Variants in TCF7L1 observed in about 807,000 individuals in gnomAD.
The protein encoded by TCF7L1 is transcription factor 7 like 1.
In TCF7L1, 18 loss-of-function variants were observed where a neutral mutation model predicts 63.7. The observed-to-expected ratio is 0.28, with a 90% CI of 0.20 to 0.42. TCF7L1 has a LOEUF of 0.42. Ranked by LOEUF, TCF7L1 falls within the 10% of genes least tolerant of loss-of-function variation. The pLI is 1.00. For synonymous variants in TCF7L1, 355 were observed against 340.9 expected (o/e 1.04, Z -0.46); for missense variants, 654 against 779.3 (o/e 0.84, Z 1.91).
intron 3 of TCF7L1, among the ~76,000 whole-genome samples, chr2:85,150,857 T>G (rs900515549): frequency 1.3e-5 from 2 of 152,212 alleles, no homozygotes; most frequent in Non-Finnish European, 2.9e-5. Context: ...CTTTACCCAA[T>G]GGTTTTAGTG....
Position 85,309,471 on chromosome 2 carries a change from C to T in TCF7L1, c.*9C>T, listed in dbSNP as rs764580680. The stretch of plus-strand genomic sequence containing the variant: ...CCAAGTCTGCCCACTAAGCTCCCCC[C>T]GACCCCTGCAGGCTGTCACATGACT... On this transcript the variant is annotated 3_prime_UTR_variant, in exon 12 of 12. Coordinates refer to ENST00000282111, the MANE Select transcript of TCF7L1 (RefSeq NM_031283.3). 2.2e-5 allele frequency: 34 copies of T among 1,518,200 alleles called. No individual in the cohort carries two copies. In the South Asian group the frequency reaches 3.2e-4, roughly 14 times the overall value. 94.0% of individuals were successfully genotyped at this position (1,518,200 alleles called of 1,614,324 possible).
At chr2:85,229,720 G>A (rs553867086) in intron 3 of TCF7L1, among the ~76,000 whole-genome samples, 1 of 152,038 alleles carries the variant, frequency 6.6e-6, no homozygotes, top group Non-Finnish European at 1.5e-5. Flanking sequence ...TTAAAATGTT[G>A]GTCCAGTTTG....
chr2:85,172,583 C>T (rs550964463), intron 3 of TCF7L1, among the ~76,000 whole-genome samples: 21 of 152,288 alleles, frequency 1.4e-4, no homozygotes, highest in Admixed American at 7.8e-4. Flanking sequence ...GGTGCCACCA[C>T]GCCTGGCTAG....
chr2:85,250,247 G>A (rs1680558138), intron 3 of TCF7L1, among the ~76,000 whole-genome samples: 1 of 152,162 alleles, frequency 6.6e-6, no homozygotes, highest in Non-Finnish European at 1.5e-5. Flanking sequence ...CACTGAGTTT[G>A]AAGGAGATGC....
chr2:85,309,581 G>A lies in TCF7L1; in HGVS notation c.*119G>A. ...ACCACTCTGGACTGTTCTGTAAAGT[G>A]GCTGGTAACAACAGCACTTTACAGT... On this transcript the variant is annotated 3_prime_UTR_variant, in exon 12 of 12. Coordinates refer to ENST00000282111, the MANE Select transcript of TCF7L1 (RefSeq NM_031283.3). 1 of 1,060,612 alleles carries A rather than the reference G, an allele frequency of 9.4e-7. No homozygotes were observed. The highest frequency in any genetic ancestry group is 3.4e-5 in the Admixed American group (1 of 29,376). 65.7% of individuals were successfully genotyped at this position (1,060,612 alleles called of 1,614,324 possible).
At chr2:85,175,099 C>G (rs1678646774) in intron 3 of TCF7L1, among the ~76,000 whole-genome samples, 1 of 152,206 alleles carries the variant, frequency 6.6e-6, no homozygotes, top group African/African-American at 2.4e-5. Context: ...GCGCAGCTCA[C>G]AGTGGGCTCT....
intron 3 of TCF7L1, among the ~76,000 whole-genome samples, chr2:85,223,427 T>C (rs1216630574): frequency 6.6e-6 from 1 of 151,746 alleles, no homozygotes; most frequent in Non-Finnish European, 1.5e-5. Flanking sequence ...GAAGTTAGAG[T>C]GTTTGGTGGA....
chr2:85,289,880 G>T (rs1466837506), intron 4 of TCF7L1, among the ~76,000 whole-genome samples: 1 of 151,834 alleles, frequency 6.6e-6, no homozygotes, highest in East Asian at 1.9e-4. Flanking sequence ...CATCATGTTG[G>T]CTAGGCTGGT....
intron 3 of TCF7L1, among the ~76,000 whole-genome samples, chr2:85,247,087 C>T (rs1680484489): frequency 6.6e-6 from 1 of 152,194 alleles, no homozygotes. Context: ...AAGAAGCCCC[C>T]TCTGTCTTTT....
intron 3 of TCF7L1, among the ~76,000 whole-genome samples, chr2:85,265,766 GTT>G (rs75640097): frequency 7.0e-6 from 1 of 143,746 alleles, no homozygotes; most frequent in African/African-American, 2.5e-5. Context: ...ACTTTACTGG[GTT>G]TTTTTTTTTT....
intron 4 of TCF7L1, among the ~76,000 whole-genome samples, chr2:85,285,620 G>T (rs1354418046): frequency 6.6e-6 from 1 of 152,222 alleles, no homozygotes; most frequent in Non-Finnish European, 1.5e-5. Flanking sequence ...TCCCACTTGG[G>T]ATAGCCAAGC....
At chr2:85,281,864 T>C (rs1017486604) in intron 3 of TCF7L1, among the ~76,000 whole-genome samples, 1 of 152,208 alleles carries the variant, frequency 6.6e-6, no homozygotes, top group Non-Finnish European at 1.5e-5. Flanking sequence ...TTATGGTGAA[T>C]GAAGAGCAAA....
chr2:85,266,884 G>A (rs946790105), intron 3 of TCF7L1, among the ~76,000 whole-genome samples: 4 of 152,192 alleles, frequency 2.6e-5, no homozygotes, highest in African/African-American at 9.7e-5. Flanking sequence ...CTGGCGGCCA[G>A]GACACCTGGG....
chr2:85,219,652 G>A (rs532266935), intron 3 of TCF7L1, among the ~76,000 whole-genome samples: 2 of 152,318 alleles, frequency 1.3e-5, no homozygotes, highest in East Asian at 3.8e-4. Context: ...GGCCGAGGCA[G>A]TGGGATCACT....
At chr2:85,179,770 A>G (rs982518575) in intron 3 of TCF7L1, among the ~76,000 whole-genome samples, 9 of 152,162 alleles carry the variant, frequency 5.9e-5, no homozygotes, top group African/African-American at 2.2e-4. Flanking sequence ...CTTTTAGCAC[A>G]AGGAATTTGA....
At chr2:85,153,908 C>T (rs1678080069) in intron 3 of TCF7L1, among the ~76,000 whole-genome samples, 2 of 152,166 alleles carry the variant, frequency 1.3e-5, no homozygotes, top group South Asian at 4.1e-4. Context: ...AGCTGTCTTC[C>T]TCTTAGACAT....
intron 4 of TCF7L1, among the ~76,000 whole-genome samples, chr2:85,299,340 A>G (rs1681907104): frequency 6.6e-6 from 1 of 151,892 alleles, no homozygotes; most frequent in African/African-American, 2.4e-5. Context: ...GCCTGATGTC[A>G]GGAGTTCAAA....
At chr2:85,240,590 GGC>G (rs1680298758) in intron 3 of TCF7L1, among the ~76,000 whole-genome samples, 1 of 150,760 alleles carries the variant, frequency 6.6e-6, no homozygotes, top group Admixed American at 6.6e-5. Flanking sequence ...TGGCCAACAT[GGC>G]CAAACCCCAT....
rs574034327 is a variant in TCF7L1 at position 85,216,444 on chromosome 2, G to A, written c.442-67051G>A. Among the ~76,000 whole-genome samples, 19 of 152,302 alleles carry A rather than the reference G, an allele frequency of 1.2e-4. No individual in the cohort carries two copies. In the South Asian group the frequency reaches 3.7e-3, roughly 30 times the overall value. On this transcript the variant is annotated intron_variant, in intron 3 of 11. Coordinates refer to ENST00000282111, the MANE Select transcript of TCF7L1 (RefSeq NM_031283.3). Reference sequence around the variant, plus strand: ...TGCTGTGCTTGGAGTTTTCGGAAACGATGGATTCCAAACAACTTCCAGTGA... The same window carrying A: ...TGCTGTGCTTGGAGTTTTCGGAAACAATGGATTCCAAACAACTTCCAGTGA...
Sources: allele counts gnomAD v4.1 joint callset (sites outside exome capture counted in the v4.1 genomes callset), GRCh38; gene constraint gnomAD v4.1.1; transcripts MANE v1.5; gene names NCBI Gene and HGNC (gene_info 2026-07-23, HGNC 2026-07-21).